Variants in JHY observed in about 807,000 individuals in gnomAD.
The protein encoded by JHY is jhy protein homolog.
Under a neutral mutation model 78.0 loss-of-function variants are expected in JHY, and 69 were observed. The observed-to-expected ratio is 0.88, with a 90% CI of 0.73 to 1.08. The LOEUF (loss-of-function observed/expected upper bound fraction) is 1.08, where lower values mean the gene tolerates loss of function less well. Ranked by LOEUF, JHY falls within the 50% of genes least tolerant of loss-of-function variation. The pLI, the probability that JHY is intolerant of heterozygous loss-of-function variation, is 0.00. For missense variants in JHY, 944 were observed against 927.8 expected (o/e 1.02, Z -0.23); for synonymous variants, 368 against 342.6 (o/e 1.07, Z -0.82).
intron 6 of JHY, among the ~76,000 whole-genome samples, chr11:122,953,601 CAAA>C (rs201261407): frequency 1.4e-4 from 9 of 64,440 alleles, no homozygotes; most frequent in African/African-American, 2.3e-4. Flanking sequence ...CACTCCATCT[CAAA>C]AAAAAAAAAA....
chr11:122,936,499 G>A (rs1458204915), intron 5 of JHY, among the ~76,000 whole-genome samples: 1 of 151,678 alleles, frequency 6.6e-6, no homozygotes, highest in Non-Finnish European at 1.5e-5. Flanking sequence ...TTAGTTTTTG[G>A]TAGATAGATA....
rs1025243694 is a variant in JHY, at chr11:122,882,809, G to C, written c.-253G>C. 6.5e-6 allele frequency: 1 copy of C among 153,004 alleles called. No homozygotes were observed. The highest frequency in any genetic ancestry group is 1.5e-5 in the Non-Finnish European group (1 of 68,114). 9.5% of individuals were successfully genotyped at this position (153,004 alleles called of 1,614,324 possible). On this transcript the variant is annotated 5_prime_UTR_variant, in exon 1 of 9. Transcript: ENST00000227349. ...GGGCCGGGGGTGCGGTTCGGGACGC[G>C]GGATCCTAGGTCGGGTCCTGCCCCG...
At position 122,884,707 on chromosome 11, in the gene JHY, A is replaced by G. The variant is rs536145118; in HGVS notation, c.-89-1054A>G. On this transcript the variant is annotated intron_variant, in intron 1 of 8. Transcript: ENST00000227349. ...ATCTCCCACCCACTCAACTTTCCCC[A>G]GGATAGCATCCCGTTCGGTAATGTA... Among the ~76,000 whole-genome samples, 22 of 152,298 alleles carry G rather than the reference A, an allele frequency of 1.4e-4. 1 individual carries two copies. In the South Asian group the frequency reaches 3.5e-3, roughly 24 times the overall value.
intron 6 of JHY, among the ~76,000 whole-genome samples, chr11:122,955,181 T>C (rs2135382527): frequency 6.6e-6 from 1 of 152,224 alleles, no homozygotes; most frequent in African/African-American, 2.4e-5. Context: ...AATGCAGTGT[T>C]GCAATCTCAG....
At chr11:122,885,075 G>T (rs1862466691) in intron 1 of JHY, among the ~76,000 whole-genome samples, 1 of 151,508 alleles carries the variant, frequency 6.6e-6, no homozygotes, top group South Asian at 2.1e-4. Context: ...CTCCCAAAGT[G>T]CTGGTATTAC....
chr11:122,913,232 G>A (rs927863422), intron 3 of JHY, among the ~76,000 whole-genome samples: 9 of 152,210 alleles, frequency 5.9e-5, no homozygotes, highest in South Asian at 2.1e-4. Flanking sequence ...ATTACAGAAC[G>A]CTACAATCTT....
rs149972720 is a variant in JHY at position 122,930,407 on chromosome 11, A to G, written c.979-4013A>G. On this transcript the variant is annotated intron_variant, in intron 4 of 8. Transcript: ENST00000227349. The stretch of plus-strand genomic sequence containing the variant: ...GAAAGAGATAGGATTTAACCAGAGG[A>G]TGTATTCAAGTGAATGTTTTTTTCC... Among the ~76,000 whole-genome samples the G allele has an allele frequency of 2.1e-3, 326 of 152,302 alleles. 2 individuals are homozygous for G. Among genetic ancestry groups the G allele is most frequent in the South Asian group, 4.3e-3 (21 of 4,828 alleles).
At chr11:122,928,717 C>T (rs1051648714) in intron 4 of JHY, among the ~76,000 whole-genome samples, 5 of 152,100 alleles carry the variant, frequency 3.3e-5, no homozygotes, top group Admixed American at 6.6e-5. Flanking sequence ...GGCACAATCT[C>T]GGCTCACTGC....
In JHY at chr11:122,956,577, G is replaced by A. The variant is rs1368893136; in HGVS notation, c.2010+1G>A. 1.2e-6 allele frequency: 2 copies of A among 1,612,862 alleles called. No homozygotes were observed. Among genetic ancestry groups the A allele is most frequent in the South Asian group, 1.1e-5 (1 of 91,022 alleles). On this transcript the variant is annotated splice_donor_variant, in intron 7 of 8. Transcript: ENST00000227349. LOFTEE classifies it high-confidence loss of function. ...TGACTTTGAGTCCATCAGAGACAAA[G>A]TGAGTGAGATGCACATACAGTGTTT...
At position 122,956,309 on chromosome 11, in the gene JHY, A is replaced by T. The variant is rs568080371; in HGVS notation, c.1930-187A>T. ...GCTAACCAGCTACGAATTACCAAAGAGACTATTACCAATAACTACCATGAA... is the reference window on the plus strand; with the variant it reads ...GCTAACCAGCTACGAATTACCAAAGTGACTATTACCAATAACTACCATGAA... On this transcript the variant is annotated intron_variant, in intron 6 of 8. Coordinates refer to ENST00000227349, the MANE Select transcript of JHY (RefSeq NM_024806.4). Among the ~76,000 whole-genome samples the T allele has an allele frequency of 5.9e-5, 9 of 152,360 alleles. No homozygotes were observed. In the South Asian group the frequency reaches 1.9e-3, roughly 32 times the overall value.
chr11:122,955,884 T>G (rs75162090), intron 6 of JHY, among the ~76,000 whole-genome samples: 9,273 of 152,326 alleles, frequency 0.061, 388 homozygotes, highest in Non-Finnish European at 0.094. Context: ...TTTGAAGCAC[T>G]GTGTTTATCT....
intron 4 of JHY, among the ~76,000 whole-genome samples, chr11:122,928,449 A>G (rs1227381276): frequency 6.6e-6 from 1 of 152,182 alleles, no homozygotes; most frequent in East Asian, 1.9e-4. Context: ...ACTAATGTGA[A>G]ATATCTTTGT....
intron 5 of JHY, among the ~76,000 whole-genome samples, chr11:122,940,884 A>G (rs1046342799): frequency 6.7e-6 from 1 of 148,558 alleles, no homozygotes; most frequent in Non-Finnish European, 1.5e-5. Flanking sequence ...TCTCTCTAGT[A>G]TCATTATGGA....
At chr11:122,925,071 A>G in intron 4 of JHY, 61 bp downstream of exon 4, 1 of 1,287,200 alleles carries the variant, frequency 7.8e-7, no homozygotes, top group Non-Finnish European at 1.1e-6. Context: ...ATAAGTAATG[A>G]TCGTGACTGA....
rs571482464 is a variant in JHY at position 122,922,809 on chromosome 11, C to CAAAAAAAAAAAAAAAAAAA, written c.865-2079_865-2061dup. ...TGGGCAACAGAGCGAGACTCCGTCT[C>CAAAAAAAAAAAAAAAAAAA]AAAAAAAAAAAAAAAAAAAAAAAAA... On this transcript the variant is annotated intron_variant, in intron 3 of 8. Transcript: ENST00000227349. Among the ~76,000 whole-genome samples, 11 of 44,372 alleles carry CAAAAAAAAAAAAAAAAAAA rather than the reference C, an allele frequency of 2.5e-4. 1 individual carries two copies. The highest frequency in any genetic ancestry group is 5.0e-4 in the African/African-American group (11 of 22,202). 29.1% of individuals were successfully genotyped at this position (44,372 alleles called of 152,430 possible). A position where few individuals can be genotyped will look rare whatever the true frequency, so the allele number is the denominator to read the frequency against.
At position 122,956,530 on chromosome 11, in the gene JHY, T is replaced by A; in HGVS notation, c.1964T>A (p.Val655Glu). Residue 655 changes from valine (V) to glutamate (E), a missense_variant, in exon 7 of 9, where the codon GTG becomes GAG. Physicochemically the swap from Val to Glu is moderately radical, Grantham distance 121 (BLOSUM62 -2). Coordinates refer to ENST00000227349, the MANE Select transcript of JHY (RefSeq NM_024806.4). ...CTGAAAGGTTATCAGAAAAGAGACG[T>A]GAAGCTTGGAGGCCTCGGACCTGAC... ...TKLKGYQKRD[V>E]KLGGLGPDFE... 1.9e-6 allele frequency: 3 copies of A among 1,613,708 alleles called. No individual in the cohort carries two copies. The highest frequency in any genetic ancestry group is 2.5e-6 in the Non-Finnish European group (3 of 1,179,704).
rs571482464 is a variant in JHY, at chr11:122,922,809, CAAAAAAAAAAAAA to C, written c.865-2073_865-2061del. 6.1e-4 allele frequency among the ~76,000 whole-genome samples: 27 copies of C among 44,372 alleles called. No individual in the cohort carries two copies. In the South Asian group the frequency reaches 0.01, roughly 17 times the overall value. The allele number at this position is 44,372 out of a possible 152,430, so 29.1% of individuals were successfully genotyped here. A position where few individuals can be genotyped will look rare whatever the true frequency, so the allele number is the denominator to read the frequency against. On this transcript the variant is annotated intron_variant, in intron 3 of 8. Transcript: ENST00000227349. ...TGGGCAACAGAGCGAGACTCCGTCT[CAAAAAAAAAAAAA>C]AAAAAAAAAAAAAACCAGCAGAGGG...
chr11:122,946,965 C>A, intron 6 of JHY, 173 bp downstream of exon 6: 2 of 650,184 alleles, frequency 3.1e-6, no homozygotes, highest in Middle Eastern at 4.3e-4. Flanking sequence ...CCTGGGGTTT[C>A]CCTCCCCTTC....
At chr11:122,952,593 C>T (rs989778996) in intron 6 of JHY, among the ~76,000 whole-genome samples, 1 of 152,168 alleles carries the variant, frequency 6.6e-6, no homozygotes, top group Non-Finnish European at 1.5e-5. Flanking sequence ...TAGACCCTGG[C>T]TCTGGTTTTC....
Sources: allele counts gnomAD v4.1 joint callset (sites outside exome capture counted in the v4.1 genomes callset), GRCh38; gene constraint gnomAD v4.1.1; transcripts MANE v1.5; gene names NCBI Gene and HGNC (gene_info 2026-07-23, HGNC 2026-07-21).